PALM2AKAP2: variants seen among roughly 807,000 people sequenced by gnomAD.
PALM2AKAP2 encodes the protein PALM2 and AKAP2 fusion, also known as PALM2-AKAP2 fusion protein.
In PALM2AKAP2, 37 loss-of-function variants were observed where a neutral mutation model predicts 71.5. The observed-to-expected ratio is 0.52, with a 90% confidence interval of 0.40 to 0.68. PALM2AKAP2 has a LOEUF of 0.68. PALM2AKAP2 is among the 30% of genes least tolerant of loss of function. PALM2AKAP2 has a pLI of 0.00. For synonymous variants in PALM2AKAP2, 468 were observed against 478.8 expected (o/e 0.98, Z 0.29); for missense variants, 1,224 against 1,191.8 (o/e 1.03, Z -0.40).
At chr9:109,845,057 A>G (rs1039765373) in intron 1 of PALM2AKAP2, among the ~76,000 whole-genome samples, 8 of 152,036 alleles carry the variant, frequency 5.3e-5, no homozygotes, top group African/African-American at 1.9e-4. Flanking sequence ...AAAATAACCA[A>G]TTTACACCTT....
At chr9:110,033,875 G>T (rs1283277594) in intron 7 of PALM2AKAP2, among the ~76,000 whole-genome samples, 1 of 152,132 alleles carries the variant, frequency 6.6e-6, no homozygotes, top group East Asian at 1.9e-4. Flanking sequence ...GAATCTAAAA[G>T]GTGTATTCTG....
At chr9:110,116,858 C>T (rs1009430180) in intron 1 of PALM2AKAP2, among the ~76,000 whole-genome samples, 24 of 152,092 alleles carry the variant, frequency 1.6e-4, no homozygotes, top group Non-Finnish European at 3.2e-4. Context: ...AAGAGATGGC[C>T]AAGTTTTGGT....
rs571338797 is a variant in PALM2AKAP2 at position 110,041,164 on chromosome 9, G to A, written c.582+25125G>A. On this transcript the variant is annotated intron_variant, in intron 7 of 9. Transcript: ENST00000302798. ...TGCCATCTTGCTTTCTTCACCAGGG[G>A]ACTCTGTCCTCTGGGCTCTTTCTCA... Among the ~76,000 whole-genome samples the A allele has an allele frequency of 1.5e-3, 222 of 152,212 alleles. 1 individual carries two copies. Among genetic ancestry groups the A allele is most frequent in the African/African-American group, 5.1e-3 (210 of 41,524 alleles).
chr9:110,095,499 C>A (rs1834815391), intron 1 of PALM2AKAP2, among the ~76,000 whole-genome samples: 1 of 152,022 alleles, frequency 6.6e-6, no homozygotes, highest in East Asian at 1.9e-4. Context: ...GAGCCAGCTC[C>A]CCTTCAGCCA....
At chr9:110,109,053 C>T (rs972587849) in intron 1 of PALM2AKAP2, among the ~76,000 whole-genome samples, 1 of 152,082 alleles carries the variant, frequency 6.6e-6, no homozygotes, top group Non-Finnish European at 1.5e-5. Context: ...CGCGGTGGCT[C>T]ATGCCTGTAA....
chr9:109,795,091 G>A (rs887724197), intron 1 of PALM2AKAP2, among the ~76,000 whole-genome samples: 2 of 152,218 alleles, frequency 1.3e-5, no homozygotes, highest in Non-Finnish European at 2.9e-5. Flanking sequence ...CTTTGGGATA[G>A]ATAATTTTCT....
chr9:110,120,256 A>G (rs1295474597), intron 1 of PALM2AKAP2, among the ~76,000 whole-genome samples: 1 of 152,204 alleles, frequency 6.6e-6, no homozygotes, highest in Admixed American at 6.5e-5. Flanking sequence ...AGATGGTGCC[A>G]TTGCTCCTGC....
chr9:109,932,165 A>G, intron 6 of PALM2AKAP2, 137 bp downstream of exon 6: 1 of 945,832 alleles, frequency 1.1e-6, no homozygotes, highest in Non-Finnish European at 1.5e-6. Flanking sequence ...TGCAGCCTTC[A>G]CAGTGGCCAC....
At chr9:109,646,783 A>T (rs533645230) in intron 1 of PALM2AKAP2, among the ~76,000 whole-genome samples, 1 of 152,172 alleles carries the variant, frequency 6.6e-6, no homozygotes, top group Admixed American at 6.5e-5. Context: ...GGCTTAGTCT[A>T]TGTGTGACTA....
At chr9:110,076,880 A>T (rs1184074208) in intron 1 of PALM2AKAP2, among the ~76,000 whole-genome samples, 1 of 152,070 alleles carries the variant, frequency 6.6e-6, no homozygotes, top group Non-Finnish European at 1.5e-5. Context: ...GCTCCCTTTC[A>T]CTTGCCTGTA....
chr9:109,818,004 A>G (rs139932131), intron 1 of PALM2AKAP2, among the ~76,000 whole-genome samples: 105 of 152,326 alleles, frequency 6.9e-4, no homozygotes, highest in African/African-American at 2.5e-3. Context: ...TGCGCTGATA[A>G]CTGAGTTACA....
chr9:110,005,438 T>TG (rs1402561050), intron 6 of PALM2AKAP2, among the ~76,000 whole-genome samples: 1 of 152,214 alleles, frequency 6.6e-6, no homozygotes, highest in African/African-American at 2.4e-5. Flanking sequence ...CTGCCCCTCC[T>TG]GGGGGGTGCC....
At chr9:109,769,900 A>G (rs1587901516) in intron 1 of PALM2AKAP2, among the ~76,000 whole-genome samples, 1 of 151,978 alleles carries the variant, frequency 6.6e-6, no homozygotes, top group East Asian at 1.9e-4. Context: ...CAAAGGAGGT[A>G]CCTTCTCGGG....
At chr9:110,089,886 A>G (rs1378478088) in intron 1 of PALM2AKAP2, among the ~76,000 whole-genome samples, 1 of 152,240 alleles carries the variant, frequency 6.6e-6, no homozygotes, top group Non-Finnish European at 1.5e-5. Context: ...TGATGTTTAC[A>G]TTATAAGTCA....
At chr9:109,762,929 G>A (rs1829080695) in intron 1 of PALM2AKAP2, among the ~76,000 whole-genome samples, 1 of 152,124 alleles carries the variant, frequency 6.6e-6, no homozygotes, top group Admixed American at 6.5e-5. Flanking sequence ...GGATTTTAGG[G>A]TCAGGAAAGA....
chr9:109,964,587 C>T (rs1288509371), intron 6 of PALM2AKAP2, among the ~76,000 whole-genome samples: 1 of 152,134 alleles, frequency 6.6e-6, no homozygotes, highest in Middle Eastern at 3.2e-3. Context: ...AGCTTCTGTC[C>T]CAGGAAACCC....
chr9:109,979,393 G>A (rs141750965), intron 6 of PALM2AKAP2, among the ~76,000 whole-genome samples: 3 of 152,324 alleles, frequency 2.0e-5, no homozygotes, highest in East Asian at 3.9e-4. Context: ...GGGCAGCATA[G>A]CCTGAGGAAC....
At chr9:110,056,278 G>T (rs1833838911) in intron 1 of PALM2AKAP2, among the ~76,000 whole-genome samples, 1 of 152,246 alleles carries the variant, frequency 6.6e-6, no homozygotes, top group South Asian at 2.1e-4. Context: ...ACATTACCGT[G>T]ATGTCATTCC....
chr9:109,745,487 A>AGT (rs199950779), intron 1 of PALM2AKAP2, among the ~76,000 whole-genome samples: 9,503 of 146,848 alleles, frequency 0.065, 410 homozygotes, highest in African/African-American at 0.13. Context: ...AGTGGCTGTC[A>AGT]GTGTGTGTGT....
Sources: gnomAD v4.1 joint callset for allele counts (sites outside exome capture counted in the v4.1 genomes callset) on GRCh38, gnomAD v4.1.1 for gene constraint, MANE v1.5 for transcripts, NCBI Gene and HGNC (gene_info 2026-07-23, HGNC 2026-07-21) for gene names.